The following TEAD1 variants were observed in gnomAD, a reference collection of about 807,000 sequenced individuals.
TEAD1 encodes the protein transcriptional enhancer factor TEF-1.
A neutral mutation model predicts 54.9 loss-of-function variants in TEAD1; 9 were observed. The ratio of observed to expected loss-of-function variants is 0.16; its 90% CI spans 0.10 to 0.29. TEAD1 has a LOEUF of 0.29. Among genes scored for constraint, TEAD1 ranks in the 10% least tolerant of loss-of-function variants. The pLI, the probability that TEAD1 is intolerant of heterozygous loss-of-function variation, is 1.00. For missense variants in TEAD1, 387 were observed against 535.9 expected, an observed-to-expected ratio of 0.72 and a Z score of 2.74; for synonymous variants, 200 against 187.8, an observed-to-expected ratio of 1.07 and a Z score of -0.53.
intron 3 of TEAD1, among the ~76,000 whole-genome samples, chr11:12,781,974 AAG>A (rs1945559777): frequency 7.5e-6 from 1 of 133,082 alleles, no homozygotes; most frequent in South Asian, 2.1e-4. Context: ...AAAAAAAAGA[AAG>A]AAAAAAAGAA....
At chr11:12,866,004 G>T (rs957537393) in intron 5 of TEAD1, among the ~76,000 whole-genome samples, 1 of 151,874 alleles carries the variant, frequency 6.6e-6, no homozygotes, top group African/African-American at 2.4e-5. Flanking sequence ...TTTTTTTTAT[G>T]CAAACAAGGC....
chr11:12,909,678 C>T (rs1948583412), intron 10 of TEAD1, among the ~76,000 whole-genome samples: 1 of 152,160 alleles, frequency 6.6e-6, no homozygotes, highest in Admixed American at 6.5e-5. Context: ...CTTCTCCACC[C>T]CTAGGCAGAG....
At chr11:12,925,111 A>C in intron 11 of TEAD1, 59 bp downstream of exon 11, 1 of 1,596,508 alleles carries the variant, frequency 6.3e-7, no homozygotes. Flanking sequence ...GCCTTCCTTT[A>C]AACCTTCCTT....
intron 3 of TEAD1, among the ~76,000 whole-genome samples, chr11:12,778,750 A>C (rs549010712): frequency 6.6e-6 from 1 of 152,186 alleles, no homozygotes; most frequent in Non-Finnish European, 1.5e-5. Context: ...CATTCTTGGC[A>C]TTTTTATGAC....
chr11:12,830,523 C>T (rs1946751797), intron 3 of TEAD1, among the ~76,000 whole-genome samples: 1 of 151,900 alleles, frequency 6.6e-6, no homozygotes, highest in African/African-American at 2.4e-5. Flanking sequence ...CTCTCAGGAC[C>T]TCCTCTTGTC....
At chr11:12,768,362 A>G (rs775664781) in intron 3 of TEAD1, among the ~76,000 whole-genome samples, 5 of 152,242 alleles carry the variant, frequency 3.3e-5, no homozygotes, top group Admixed American at 2.6e-4. Context: ...TTTGAACTGT[A>G]TCTAGCATAT....
chr11:12,896,418 A>G (rs943059520), intron 9 of TEAD1, among the ~76,000 whole-genome samples: 1 of 152,162 alleles, frequency 6.6e-6, no homozygotes, highest in Non-Finnish European at 1.5e-5. Context: ...ACCCTCCTAT[A>G]GCTCCCTGGG....
chr11:12,858,548 G>C (rs1331350094), intron 3 of TEAD1, among the ~76,000 whole-genome samples: 1 of 152,162 alleles, frequency 6.6e-6, no homozygotes, highest in Non-Finnish European at 1.5e-5. Flanking sequence ...AGGTTTCTAA[G>C]ACTTGTTTAA....
At chr11:12,768,552 A>G (rs1436148644) in intron 3 of TEAD1, among the ~76,000 whole-genome samples, 1 of 152,242 alleles carries the variant, frequency 6.6e-6, no homozygotes, top group East Asian at 1.9e-4. Context: ...TGGCTTGCAC[A>G]TGGCCAATAT....
At chr11:12,871,122 G>C (rs1170895432) in intron 5 of TEAD1, among the ~76,000 whole-genome samples, 1 of 152,224 alleles carries the variant, frequency 6.6e-6, no homozygotes, top group Admixed American at 6.5e-5. Context: ...AATCCATGCA[G>C]TTGCAGTGTG....
At chr11:12,793,650 A>G (rs1430148526) in intron 3 of TEAD1, among the ~76,000 whole-genome samples, 1 of 152,178 alleles carries the variant, frequency 6.6e-6, no homozygotes, top group Non-Finnish European at 1.5e-5. Flanking sequence ...CATTCAAAAA[A>G]CCCACCGTTT....
intron 3 of TEAD1, among the ~76,000 whole-genome samples, chr11:12,836,245 C>G (rs1590197584): frequency 6.6e-6 from 1 of 151,874 alleles, no homozygotes; most frequent in Non-Finnish European, 1.5e-5. Context: ...ACGGTGAAAC[C>G]CTGTCTCTAC....
chr11:12,887,317 G>A (rs1315399507), intron 9 of TEAD1, among the ~76,000 whole-genome samples: 6 of 152,018 alleles, frequency 3.9e-5, no homozygotes, highest in East Asian at 1.9e-4. Flanking sequence ...AGATGGTCTC[G>A]ATCTCCTGAC....
At chr11:12,893,494 G>A (rs553353812) in intron 9 of TEAD1, among the ~76,000 whole-genome samples, 16 of 152,296 alleles carry the variant, frequency 1.1e-4, no homozygotes, top group African/African-American at 1.9e-4. Context: ...CACTGAAAGC[G>A]TCTGGAAATC....
At chr11:12,775,524 A>G (rs1945399132) in intron 3 of TEAD1, among the ~76,000 whole-genome samples, 1 of 152,102 alleles carries the variant, frequency 6.6e-6, no homozygotes, top group African/African-American at 2.4e-5. Context: ...GTTGTTATGT[A>G]TTTTATCCCG....
intron 2 of TEAD1, among the ~76,000 whole-genome samples, chr11:12,701,546 C>T (rs536376741): frequency 5.3e-5 from 8 of 152,034 alleles, no homozygotes; most frequent in African/African-American, 9.7e-5. Flanking sequence ...GTTGAGTAAT[C>T]GGAAGGGTCA....
chr11:12,762,524 T>C (rs1945122378), intron 2 of TEAD1, among the ~76,000 whole-genome samples: 1 of 152,228 alleles, frequency 6.6e-6, no homozygotes, highest in South Asian at 2.1e-4. Context: ...TGTGTAAATG[T>C]ACATATGTTG....
At chr11:12,828,722 G>A (rs547417507) in intron 3 of TEAD1, among the ~76,000 whole-genome samples, 2 of 144,664 alleles carry the variant, frequency 1.4e-5, no homozygotes, top group South Asian at 4.5e-4. Flanking sequence ...AAAAATCTAA[G>A]CGAATGGTTT....
intron 10 of TEAD1, among the ~76,000 whole-genome samples, chr11:12,917,820 C>G (rs1199447993): frequency 6.6e-6 from 1 of 152,180 alleles, no homozygotes; most frequent in Non-Finnish European, 1.5e-5. Context: ...CTGGACTTAC[C>G]TTCCCCAGCC....
Sources: gnomAD v4.1 joint callset for allele counts (sites outside exome capture counted in the v4.1 genomes callset) on GRCh38, gnomAD v4.1.1 for gene constraint, MANE v1.5 for transcripts, NCBI Gene and HGNC (gene_info 2026-07-23, HGNC 2026-07-21) for gene names.